The following SRSF12 variants were observed in gnomAD, a reference collection of about 807,000 sequenced individuals.
SRSF12 encodes serine/arginine-rich splicing factor 12.
Under a neutral mutation model 34.1 loss-of-function variants are expected in SRSF12, and 21 were observed. That is an observed-to-expected ratio of 0.62 (90% confidence interval 0.44 to 0.89). The LOEUF is 0.89. SRSF12 is among the 40% of genes least tolerant of loss of function. The pLI is 0.00. For missense variants in SRSF12, 278 were observed against 327.8 expected, an observed-to-expected ratio of 0.85 and a Z score of 1.17; for synonymous variants, 111 against 110.8, an observed-to-expected ratio of 1.00 and a Z score of -0.01.
At chr6:89,110,176 CAA>C (rs1349981976) in intron 1 of SRSF12, among the ~76,000 whole-genome samples, 1 of 152,130 alleles carries the variant, frequency 6.6e-6, no homozygotes, top group Non-Finnish European at 1.5e-5. Context: ...CTTCTGTTAC[CAA>C]TGGAGGGTCT....
At chr6:89,111,323 T>C (rs1769040396) in intron 1 of SRSF12, among the ~76,000 whole-genome samples, 1 of 152,198 alleles carries the variant, frequency 6.6e-6, no homozygotes, top group Admixed American at 6.5e-5. Flanking sequence ...CTTTTAAAAT[T>C]CCTCTTGAAA....
At position 89,112,102 on chromosome 6, in the gene SRSF12, G is replaced by A. The variant is rs939926637; in HGVS notation, c.66-4844C>T. ...GGCTCACTGCAACCTCCTCCTCCCC[G>A]GTTCAAGAGATTCTCATGACTCAGC... is the stretch of plus-strand genomic sequence containing the variant. On this transcript the variant is annotated intron_variant, in intron 1 of 4. Transcript: ENST00000452027. 1.1e-3 allele frequency among the ~76,000 whole-genome samples: 161 copies of A among 151,376 alleles called. 2 individuals are homozygous for A. Among genetic ancestry groups the A allele is most frequent in the African/African-American group, 3.7e-3 (154 of 41,256 alleles).
chr6:89,098,817 T>C lies in SRSF12; in HGVS notation c.547A>G (p.Lys183Glu), dbSNP rs960934143. The change falls in exon 5 of 5, where the codon AAG becomes GAG. Residue 183 changes from lysine (K) to glutamate (E), a missense_variant. Lys to Glu is a moderately conservative substitution (Grantham distance 56). Transcript: ENST00000452027. ...GACTTGGACCTCTTTTGTAAGGACT[T>C]GGACCTTGACCGTCCTCTAGAGCCA... Reference protein sequence around the residue: ...NFGSRGRSRSKSLQKRSKSIG... With the variant: ...NFGSRGRSRSESLQKRSKSIG... 6.2e-7 allele frequency: 1 copy of C among 1,613,990 alleles called. No individual in the cohort carries two copies.
chr6:89,113,533 T>C (rs950163369), intron 1 of SRSF12, among the ~76,000 whole-genome samples: 1 of 152,098 alleles, frequency 6.6e-6, no homozygotes, highest in African/African-American at 2.4e-5. Flanking sequence ...CATCTCGAAC[T>C]CCTGACCTCA....
At chr6:89,113,602 C>T (rs1047275016) in intron 1 of SRSF12, among the ~76,000 whole-genome samples, 3 of 152,150 alleles carry the variant, frequency 2.0e-5, no homozygotes, top group Non-Finnish European at 1.5e-5. Flanking sequence ...AGCCACCGTG[C>T]CAGGCCCCAA....
intron 1 of SRSF12, among the ~76,000 whole-genome samples, chr6:89,111,013 G>A (rs1029743869): frequency 1.4e-4 from 22 of 152,008 alleles, no homozygotes; most frequent in African/African-American, 4.3e-4. Flanking sequence ...TTAGGAGGCT[G>A]AGGAAGAAGA....
rs1429789705 is a variant in SRSF12 at position 89,097,673 on chromosome 6, A to G, written c.*905T>C. 6.6e-6 allele frequency: 1 copy of G among 152,134 alleles called. No homozygotes were observed. Among genetic ancestry groups the G allele is most frequent in the Admixed American group, 6.5e-5 (1 of 15,268 alleles). The allele number at this position is 152,134 out of a possible 1,614,324, so 9.4% of individuals were successfully genotyped here. On this transcript the variant is annotated 3_prime_UTR_variant, in exon 5 of 5. Transcript: ENST00000452027. ...TTGGCCAAGTTTCTTAATACAAGGT[A>G]CTAAACACTCTTTCAAAAATAATAA...
chr6:89,105,063 T>A, intron 4 of SRSF12, 56 bp downstream of exon 4: 1 of 1,504,020 alleles, frequency 6.6e-7, no homozygotes. Context: ...CAAAAAAATA[T>A]ATATCTATTT....
intron 1 of SRSF12, among the ~76,000 whole-genome samples, chr6:89,114,454 C>T (rs1241723718): frequency 6.6e-6 from 1 of 152,028 alleles, no homozygotes; most frequent in Non-Finnish European, 1.5e-5. Context: ...ACAAAAAAAC[C>T]ACCATACATT....
intron 1 of SRSF12, among the ~76,000 whole-genome samples, 154 bp downstream of exon 1, chr6:89,117,669 G>C (rs565648639): frequency 8.6e-5 from 13 of 151,932 alleles, no homozygotes; most frequent in Non-Finnish European, 5.9e-5. Context: ...GGAGTAGTCC[G>C]AGGGCTCACA....
At chr6:89,099,406 A>G (rs543363790) in intron 4 of SRSF12, among the ~76,000 whole-genome samples, 917 of 86,770 alleles carry the variant, frequency 0.011, 24 homozygotes, top group African/African-American at 0.039. Context: ...CTCTCTCCAT[A>G]TATATATACA....
At chr6:89,099,751 T>A (rs1034300251) in intron 4 of SRSF12, among the ~76,000 whole-genome samples, 5 of 152,030 alleles carry the variant, frequency 3.3e-5, no homozygotes, top group African/African-American at 1.2e-4. Flanking sequence ...GTCAGGCTGG[T>A]CTCAATCTCC....
Position 89,096,165 on chromosome 6 carries a change from ATTTC to A in SRSF12, c.*2409_*2412del, listed in dbSNP as rs1357768767. ...TTCCTTTTTCTAATTCTATTCTCTC[ATTTC>A]TTTCTAAACATGATTTTAATAAAGC... On this transcript the variant is annotated 3_prime_UTR_variant, in exon 5 of 5. Coordinates refer to ENST00000452027, the MANE Select transcript of SRSF12 (RefSeq NM_080743.5). 6.6e-6 allele frequency: 1 copy of A among 152,058 alleles called. No individual in the cohort carries two copies. The highest frequency in any genetic ancestry group is 1.9e-4 in the East Asian group (1 of 5,190). The allele number at this position is 152,058 out of a possible 1,614,324, so 9.4% of individuals were successfully genotyped here.
intron 1 of SRSF12, among the ~76,000 whole-genome samples, chr6:89,113,201 A>G (rs957726975): frequency 4.6e-5 from 7 of 151,928 alleles, no homozygotes; most frequent in African/African-American, 1.7e-4. Flanking sequence ...TTGAGACACA[A>G]TTTCACTCTG....
intron 1 of SRSF12, among the ~76,000 whole-genome samples, chr6:89,116,982 G>A (rs1158208803): frequency 2.0e-5 from 3 of 149,428 alleles, no homozygotes; most frequent in Non-Finnish European, 2.9e-5. Context: ...AAGGCTGGGG[G>A]GAAGTAAATG....
intron 4 of SRSF12, among the ~76,000 whole-genome samples, chr6:89,099,786 C>T (rs942256581): frequency 6.6e-6 from 1 of 152,046 alleles, no homozygotes; most frequent in African/African-American, 2.4e-5. Context: ...CCCCCTGCCT[C>T]GGCCTCCTAA....
rs374369058 is a variant in SRSF12 at position 89,098,934 on chromosome 6, G to T, written c.430C>A (p.Arg144=). ...GATTTAGACTGGCTATAAGAAAATC[G>T]CCTGTGTCGAGACCTGCAAACATCC... ...SDSLKESRHR[R]FSYSQSKSRS... is the part of the protein sequence containing the mutation. Residue 144 remains arginine (R), a synonymous_variant, in exon 5 of 5, where the codon CGA becomes AGA. Coordinates refer to ENST00000452027, the MANE Select transcript of SRSF12 (RefSeq NM_080743.5). The T allele has an allele frequency of 2.1e-5, 34 of 1,612,838 alleles. No homozygotes were observed. In the African/African-American group the frequency reaches 4.1e-4, roughly 20 times the overall value.
At chr6:89,101,759 T>C (rs1224944993) in intron 4 of SRSF12, among the ~76,000 whole-genome samples, 1 of 152,040 alleles carries the variant, frequency 6.6e-6, no homozygotes, top group Non-Finnish European at 1.5e-5. Flanking sequence ...GACAAATTTC[T>C]TTCAAAGGAG....
At chr6:89,101,713 T>A (rs1402870010) in intron 4 of SRSF12, among the ~76,000 whole-genome samples, 5 of 150,968 alleles carry the variant, frequency 3.3e-5, no homozygotes, top group African/African-American at 1.2e-4. Flanking sequence ...AAAATAAAAA[T>A]AAAAATAAAT....
Sources: gnomAD v4.1 joint callset for allele counts (sites outside exome capture counted in the v4.1 genomes callset) on GRCh38, gnomAD v4.1.1 for gene constraint, MANE v1.5 for transcripts, NCBI Gene and HGNC (gene_info 2026-07-23, HGNC 2026-07-21) for gene names.